Variants in ASB2 observed in about 807,000 individuals in gnomAD.
ASB2 encodes ankyrin repeat and SOCS box protein 2.
In ASB2, 58 loss-of-function variants were observed where a neutral mutation model predicts 62.4. The observed-to-expected ratio is 0.93, with a 90% confidence interval of 0.75 to 1.16. The LOEUF (loss-of-function observed/expected upper bound fraction) is 1.16, where lower values mean the gene tolerates loss of function less well. Among genes scored for constraint, ASB2 ranks in the 50% most tolerant of loss-of-function variants. The pLI is 0.00. For synonymous variants in ASB2, 386 were observed against 385.3 expected (o/e 1.00, Z -0.02); for missense variants, 928 against 887.9 (o/e 1.05, Z -0.57).
At position 93,939,601 on chromosome 14, in the gene ASB2, A is replaced by T; in HGVS notation, c.1124T>A (p.Leu375Gln). ...CTCGTCGTGGTTGCGCTCGGCCGCC[A>T]GGTGCAGCGGACTGACGCCGCTACG... ...IRRSGVSPLHLAAERNHDEVL... is the reference protein window; with the variant it reads ...IRRSGVSPLHQAAERNHDEVL... The change falls in exon 8 of 10, where the codon CTG (leucine) becomes CAG (glutamine). Residue 375 changes from leucine to glutamine, a missense_variant. By Grantham distance (113) the Leu-to-Gln change is moderately radical (BLOSUM62 -2). Transcript: ENST00000555019. 7 of 1,566,050 alleles carry T rather than the reference A, an allele frequency of 4.5e-6. No homozygotes were observed. Among genetic ancestry groups the T allele is most frequent in the Non-Finnish European group, 6.0e-6 (7 of 1,162,094 alleles).
chr14:93,949,633 T>C (rs1322824468), intron 6 of ASB2, among the ~76,000 whole-genome samples: 1 of 152,126 alleles, frequency 6.6e-6, no homozygotes, highest in Non-Finnish European at 1.5e-5. Context: ...CTGGAGAGCC[T>C]GGACCCTACC....
chr14:93,972,683 C>T lies in ASB2; in HGVS notation c.-74+3751G>A, dbSNP rs74940210. On this transcript the variant is annotated intron_variant, in intron 1 of 9. Transcript: ENST00000555019. ...CCTCATCCCTCTGGAGGCTTCATCT[C>T]TGCTCTGGCTAAGAAATGCTCTGAC... Among the ~76,000 whole-genome samples, 1,076 of 152,344 alleles carry T rather than the reference C, an allele frequency of 7.1e-3. 26 individuals carry two copies. In the East Asian group the frequency reaches 0.096, roughly 14 times the overall value.
At chr14:93,938,019 C>T (rs907686277) in intron 8 of ASB2, among the ~76,000 whole-genome samples, 168 bp from the exon 9 acceptor site, 9 of 152,164 alleles carry the variant, frequency 5.9e-5, no homozygotes, top group South Asian at 2.1e-4. Context: ...AAGTGGAAGA[C>T]GGGCAACTTG....
intron 1 of ASB2, among the ~76,000 whole-genome samples, chr14:93,976,062 G>A (rs1349977390): frequency 2.0e-5 from 3 of 152,202 alleles, no homozygotes; most frequent in Non-Finnish European, 2.9e-5. Flanking sequence ...CTATCTGTGC[G>A]CCTGGCCTGA....
chr14:93,972,625 A>G lies in ASB2; in HGVS notation c.-74+3809T>C, dbSNP rs1298102464. Among the ~76,000 whole-genome samples the G allele has an allele frequency of 4.6e-5, 7 of 152,230 alleles. No homozygotes were observed. In the East Asian group the frequency reaches 9.6e-4, roughly 21 times the overall value. ...GGCCCTCTGACACAACATTAAGGGC[A>G]TGGCAAGGAGTCAGTTGCTCCGTGA... On this transcript the variant is annotated intron_variant, in intron 1 of 9. Coordinates refer to ENST00000555019, the MANE Select transcript of ASB2 (RefSeq NM_001202429.2).
At position 93,937,716 on chromosome 14, in the gene ASB2, C is replaced by T. The variant is rs113704212; in HGVS notation, c.1753G>A (p.Val585Ile). 4.9e-4 allele frequency: 791 copies of T among 1,608,412 alleles called. 3 individuals are homozygous for T. In the African/African-American group the frequency reaches 8.8e-3, roughly 18 times the overall value. ...EHIDSFEDWA[V>I]IKEKAEPPRP... ...TCCCTACCTGCCTTCTCCTTGATGA[C>T]GGCCCAGTCCTCAAAGCTGTCGATG... The change falls in exon 9 of 10, where the codon GTC (valine) becomes ATC (isoleucine). Residue 585 changes from valine (V) to isoleucine (I), a missense_variant. By Grantham distance (29) the Val-to-Ile change is conservative. Transcript: ENST00000555019.
At chr14:93,938,327 C>T (rs776950828) in intron 8 of ASB2, among the ~76,000 whole-genome samples, 2 of 147,464 alleles carry the variant, frequency 1.4e-5, no homozygotes, top group Non-Finnish European at 3.0e-5. Context: ...GCAAGCTCTG[C>T]CTCCTGGGTG....
At position 93,954,402 on chromosome 14, in the gene ASB2, G is replaced by A. The variant is rs1163454638; in HGVS notation, c.393C>T (p.Leu131=). Residue 131 remains leucine, a synonymous_variant, in exon 4 of 10, where the codon CTC becomes CTT. Transcript: ENST00000555019. ...GCCAGCCCTCCTTGTTGGGCTCTGC[G>A]AGATTCTTCCCTTCCTTGATCATGG... is the stretch of plus-strand genomic sequence containing the variant. ...LKTMIKEGKN[L]AEPNKEGWLP... The A allele has an allele frequency of 5.6e-6, 9 of 1,614,086 alleles. No homozygotes were observed. The highest frequency in any genetic ancestry group is 5.5e-5 in the South Asian group (5 of 91,080).
intron 9 of ASB2, 29 bp from the exon 10 acceptor site, chr14:93,934,821 G>C: frequency 2.5e-6 from 4 of 1,600,434 alleles, no homozygotes; most frequent in Non-Finnish European, 3.4e-6. Flanking sequence ...GACAGAGGCT[G>C]ATTTGTCATT....
rs1204387884 is a variant in ASB2 at position 93,976,513 on chromosome 14, TC to T, written c.-154del. 1.3e-5 allele frequency: 2 copies of T among 152,346 alleles called. No homozygotes were observed. Among genetic ancestry groups the T allele is most frequent in the East Asian group, 3.9e-4 (2 of 5,194 alleles). 9.4% of individuals were successfully genotyped at this position (152,346 alleles called of 1,614,324 possible). ...GAAAGTGTCTTAATTCAGAACATGC[TC>T]CCCGAGTTTTCCTTCTGCCCTGGCC... On this transcript the variant is annotated 5_prime_UTR_variant, in exon 1 of 10. Transcript: ENST00000555019.
chr14:93,937,757 G>T lies in ASB2; in HGVS notation c.1712C>A (p.Ser571Ter). The T allele has an allele frequency of 6.2e-7, 1 of 1,613,220 alleles. No homozygotes were observed. Among genetic ancestry groups the T allele is most frequent in the Non-Finnish European group, 8.5e-7 (1 of 1,179,216 alleles). Residue 571 changes from serine (S) to a stop codon, truncating the protein, a stop_gained, in exon 9 of 10, where the codon TCG becomes TAG. Coordinates refer to ENST00000555019, the MANE Select transcript of ASB2 (RefSeq NM_001202429.2). LOFTEE classifies it high-confidence loss of function. Reference protein sequence around the residue: ...LDYVGNVQLCSRLKEHIDSFE... With the variant: ...LDYVGNVQLC ...GCTGTCGATGTGTTCCTTCAGCCGC[G>T]AGCAGAGCTGCACGTTGCCCACGTA... is the stretch of plus-strand genomic sequence containing the variant.
At chr14:93,962,324 C>G (rs555784524) in intron 2 of ASB2, among the ~76,000 whole-genome samples, 1 of 152,020 alleles carries the variant, frequency 6.6e-6, no homozygotes, top group East Asian at 1.9e-4. Context: ...CCGTTTTAGC[C>G]GGGATGGTCT....
rs539319985 is a variant in ASB2 at position 93,955,086 on chromosome 14, A to C, written c.312-603T>G. The C allele has an allele frequency of 5.5e-4, 249 of 456,684 alleles. 1 individual carries two copies. Among genetic ancestry groups the C allele is most frequent in the South Asian group, 3.7e-3 (236 of 64,568 alleles). 28.3% of individuals were successfully genotyped at this position (456,684 alleles called of 1,614,324 possible). A position where few individuals can be genotyped will look rare whatever the true frequency, so the allele number is the denominator to read the frequency against. On this transcript the variant is annotated intron_variant, in intron 3 of 9. Transcript: ENST00000555019. Reference sequence around the variant, plus strand: ...CATTCATTGCTTCCTTCCTTCCTTCATTCATTCACTGAGCTCCCTACCTCA... The same window carrying C: ...CATTCATTGCTTCCTTCCTTCCTTCCTTCATTCACTGAGCTCCCTACCTCA...
At chr14:93,950,941 A>G in intron 6 of ASB2, 58 bp downstream of exon 6, 6 of 1,563,068 alleles carry the variant, frequency 3.8e-6, no homozygotes, top group Non-Finnish European at 5.2e-6. Flanking sequence ...CTGACCTCTG[A>G]CATCCTTCCC....
At chr14:93,965,877 C>T (rs1889574415) in intron 1 of ASB2, among the ~76,000 whole-genome samples, 1 of 152,254 alleles carries the variant, frequency 6.6e-6, no homozygotes, top group African/African-American at 2.4e-5. Flanking sequence ...CTGCCATCAC[C>T]AAGAGAAGAG....
Position 93,954,358 on chromosome 14 carries a change from G to A in ASB2, c.437C>T (p.Ala146Val), listed in dbSNP as rs1462474256. 6.2e-7 allele frequency: 1 copy of A among 1,613,600 alleles called. No homozygotes were observed. Among genetic ancestry groups the A allele is most frequent in the Non-Finnish European group, 8.5e-7 (1 of 1,179,754 alleles). Residue 146 changes from alanine to valine, a missense_variant, in exon 4 of 10, where the codon GCA (alanine) becomes GTA (valine). Coordinates refer to ENST00000555019, the MANE Select transcript of ASB2 (RefSeq NM_001202429.2). The stretch of plus-strand genomic sequence containing the variant: ...CAGGCAGCCCACCTGGCCATAGTAT[G>A]CGGCCTCGTGCAGCGGCAGCCAGCC... Reference protein sequence around the residue: ...KEGWLPLHEAAYYGQVGCLKV... With the variant: ...KEGWLPLHEAVYYGQVGCLKV...
chr14:93,958,360 G>A (rs1889298413), intron 2 of ASB2, among the ~76,000 whole-genome samples: 1 of 152,222 alleles, frequency 6.6e-6, no homozygotes, highest in Non-Finnish European at 1.5e-5. Context: ...CAGCATGACA[G>A]CGAGTGGAGC....
chr14:93,950,658 G>A (rs778757968), intron 6 of ASB2, among the ~76,000 whole-genome samples: 3 of 152,182 alleles, frequency 2.0e-5, no homozygotes, highest in Non-Finnish European at 4.4e-5. Flanking sequence ...ATTTGCTATA[G>A]GACTATAGAT....
chr14:93,942,356 A>G, intron 7 of ASB2: 1 of 446,528 alleles, frequency 2.2e-6, no homozygotes, highest in South Asian at 1.6e-5. Flanking sequence ...CTACCAGCTT[A>G]GCCTTTCCTG....
Sources: gnomAD v4.1 joint callset for allele counts (sites outside exome capture counted in the v4.1 genomes callset) on GRCh38, gnomAD v4.1.1 for gene constraint, MANE v1.5 for transcripts, NCBI Gene and HGNC (gene_info 2026-07-23, HGNC 2026-07-21) for gene names.